The following DLG5 variants were observed in gnomAD, a reference collection of about 807,000 sequenced individuals.
DLG5 encodes the protein discs large MAGUK scaffold protein 5, also known as disks large homolog 5.
In DLG5, 48 loss-of-function variants were observed where a neutral mutation model predicts 189.8. The observed-to-expected ratio is 0.25, with a 90% CI of 0.20 to 0.32. The LOEUF is 0.32. Ranked by LOEUF, DLG5 falls within the 10% of genes least tolerant of loss-of-function variation. The pLI, the probability that DLG5 is intolerant of heterozygous loss-of-function variation, is 1.00. For synonymous variants in DLG5, 1,016 were observed against 1,054.1 expected (o/e 0.96, Z 0.70); for missense variants, 2,160 against 2,544.7 (o/e 0.85, Z 3.25).
Position 77,791,953 on chromosome 10 carries a change from C to A in DLG5, c.*487G>T, listed in dbSNP as rs556086946. The A allele has an allele frequency of 6.2e-6, 1 of 161,862 alleles. No homozygotes were observed. The highest frequency in any genetic ancestry group is 2.4e-5 in the African/African-American group (1 of 41,712). The allele number at this position is 161,862 out of a possible 1,614,324, so 10.0% of individuals were successfully genotyped here. A position where few individuals can be genotyped will look rare whatever the true frequency, so the allele number is the denominator to read the frequency against. On this transcript the variant is annotated 3_prime_UTR_variant, in exon 32 of 32. Transcript: ENST00000372391. ...GCTCTGGTCCCACCAACAAGAACCTCCCAAAGCAAAGCAGCCCCCATTGAG... is the reference window on the plus strand; with the variant it reads ...GCTCTGGTCCCACCAACAAGAACCTACCAAAGCAAAGCAGCCCCCATTGAG...
chr10:77,893,822 G>A (rs2154577683), intron 1 of DLG5, among the ~76,000 whole-genome samples: 1 of 152,326 alleles, frequency 6.6e-6, no homozygotes, highest in South Asian at 2.1e-4. Flanking sequence ...TGGGGGATGG[G>A]GGAAGGGACA....
chr10:77,939,200 A>C, the DLG5 span, among the ~76,000 whole-genome samples: 1 of 152,082 alleles, frequency 6.6e-6, no homozygotes, highest in African/African-American at 2.4e-5. Context: ...CAAAACAAAC[A>C]AACAAACAAA....
At chr10:77,820,261 G>A (rs1476110761) in intron 15 of DLG5, 11 of 443,124 alleles carry the variant, frequency 2.5e-5, no homozygotes, top group Non-Finnish European at 4.0e-5. Flanking sequence ...CAGGAGAATC[G>A]CTTGAACTCG....
chr10:77,914,253 T>C (rs1846301488), intron 1 of DLG5, among the ~76,000 whole-genome samples: 1 of 152,220 alleles, frequency 6.6e-6, no homozygotes, highest in South Asian at 2.1e-4. Context: ...GGCCTCTGCC[T>C]TGGGCATCTC....
chr10:77,800,095 G>C (rs538092656), intron 27 of DLG5, among the ~76,000 whole-genome samples: 4 of 152,248 alleles, frequency 2.6e-5, no homozygotes, highest in South Asian at 2.1e-4. Flanking sequence ...TCAGCAGGGT[G>C]GGGGGTACCA....
chr10:77,879,307 G>A (rs932241473), intron 1 of DLG5, among the ~76,000 whole-genome samples: 2 of 152,122 alleles, frequency 1.3e-5, no homozygotes, highest in East Asian at 1.9e-4. Flanking sequence ...TGTGGGTGGA[G>A]GGACCTGGAG....
At chr10:77,837,417 G>A (rs1843199160) in intron 7 of DLG5, among the ~76,000 whole-genome samples, 1 of 152,118 alleles carries the variant, frequency 6.6e-6, no homozygotes. Flanking sequence ...GGCCCCAGGT[G>A]CAGACAGGAC....
intron 5 of DLG5, among the ~76,000 whole-genome samples, chr10:77,849,155 C>T (rs1041241075): frequency 1.3e-5 from 2 of 152,196 alleles, no homozygotes; most frequent in Non-Finnish European, 2.9e-5. Context: ...CTAGGGCTGC[C>T]TCATTTCCTC....
intron 1 of DLG5, among the ~76,000 whole-genome samples, chr10:77,917,500 G>A (rs111753346): frequency 1.0e-3 from 150 of 144,378 alleles, no homozygotes; most frequent in African/African-American, 3.5e-3. Context: ...TCCAGCCTGA[G>A]CAACAGAGTG....
chr10:77,878,751 A>G (rs763861947), intron 1 of DLG5, among the ~76,000 whole-genome samples: 13 of 152,076 alleles, frequency 8.5e-5, no homozygotes, highest in Non-Finnish European at 1.6e-4. Context: ...CATCCCCAGC[A>G]TCCCTTATGA....
chr10:77,936,814 C>G, the DLG5 span, among the ~76,000 whole-genome samples: 2 of 152,222 alleles, frequency 1.3e-5, no homozygotes, highest in African/African-American at 4.8e-5. Context: ...TGCCCTAGCT[C>G]CTCAGCTGTC....
intron 5 of DLG5, chr10:77,845,170 T>G (rs1383798872): frequency 2.6e-5 from 4 of 152,146 alleles, no homozygotes; most frequent in Non-Finnish European, 5.9e-5. Flanking sequence ...AGAAGATGAG[T>G]TAAGAGGTTG....
At chr10:77,890,590 G>C (rs1255057893) in intron 1 of DLG5, among the ~76,000 whole-genome samples, 4 of 152,214 alleles carry the variant, frequency 2.6e-5, no homozygotes, top group Non-Finnish European at 5.9e-5. Flanking sequence ...GCCGAGGCAT[G>C]CAGATCACCT....
At chr10:77,869,575 G>T in intron 1 of DLG5, 1 of 257,952 alleles carries the variant, frequency 3.9e-6, no homozygotes, top group East Asian at 1.4e-4. Flanking sequence ...CATGCAGAGG[G>T]TAACAGAGCA....
chr10:77,864,452 C>T (rs552344432), intron 2 of DLG5, among the ~76,000 whole-genome samples: 8 of 152,118 alleles, frequency 5.3e-5, no homozygotes, highest in Admixed American at 5.2e-4. Context: ...CCACGTCATC[C>T]TCACCTACAA....
At chr10:77,937,715 CT>C in the DLG5 span, among the ~76,000 whole-genome samples, 57,250 of 101,168 alleles carry the variant, frequency 0.57, 14,739 homozygotes, top group East Asian at 0.9. Flanking sequence ...ACATTTTATA[CT>C]TTTTTTTTTT....
intron 1 of DLG5, among the ~76,000 whole-genome samples, chr10:77,891,573 GAC>G (rs55688664): frequency 0.23 from 32,831 of 140,168 alleles, 4,188 homozygotes; most frequent in Non-Finnish European, 0.31. Context: ...TCCCCCAACA[GAC>G]ACACACACAC....
intron 30 of DLG5, among the ~76,000 whole-genome samples, chr10:77,794,414 G>A (rs1840801473): frequency 1.3e-5 from 2 of 152,240 alleles, no homozygotes; most frequent in South Asian, 4.1e-4. Flanking sequence ...GCCTTGGTGA[G>A]CCCTTGGCCC....
chr10:77,857,846 G>C (rs912117674), intron 2 of DLG5, among the ~76,000 whole-genome samples: 1 of 152,190 alleles, frequency 6.6e-6, no homozygotes, highest in African/African-American at 2.4e-5. Flanking sequence ...TTGTGGATGG[G>C]ATCTGGCAGG....
Sources: allele counts gnomAD v4.1 joint callset (sites outside exome capture counted in the v4.1 genomes callset), GRCh38; gene constraint gnomAD v4.1.1; transcripts MANE v1.5; gene names NCBI Gene and HGNC (gene_info 2026-07-23, HGNC 2026-07-21).